The following SUV39H2 variants were observed in gnomAD, a reference collection of about 807,000 sequenced individuals.
The protein encoded by SUV39H2 is histone-lysine N-methyltransferase SUV39H2.
SUV39H2 carries 10 observed loss-of-function variants against 47.5 expected under a neutral mutation model. That is an observed-to-expected ratio of 0.21 (90% CI 0.13 to 0.36). The LOEUF is 0.36. Among genes scored for constraint, SUV39H2 ranks in the 10% least tolerant of loss-of-function variants. The probability of loss-of-function intolerance (pLI) is 1.00; values close to 1 mark genes in which losing one functional copy is unlikely to be tolerated. For missense variants in SUV39H2, 266 were observed against 487.4 expected (o/e 0.55, Z 4.28); for synonymous variants, 159 against 166.8 (o/e 0.95, Z 0.36).
chr10:14,880,199 G>C (rs142619235), intron 1 of SUV39H2: 1 of 152,328 alleles, frequency 6.6e-6, no homozygotes, highest in East Asian at 1.9e-4. Flanking sequence ...ACGTTTTCTG[G>C]AGGAAAATAC....
intron 5 of SUV39H2, 67 bp downstream of exon 5, chr10:14,901,329 C>A: frequency 3.1e-6 from 5 of 1,593,066 alleles, no homozygotes; most frequent in African/African-American, 1.3e-5. Context: ...AGACTAGGAA[C>A]AGACCTTAGA....
chr10:14,898,850 T>TA (rs1833787996), intron 3 of SUV39H2: 1 of 188,428 alleles, frequency 5.3e-6, no homozygotes, highest in African/African-American at 2.3e-5. Context: ...AATTTTCCAT[T>TA]TGTAACTGCA....
chr10:14,895,496 A>C (rs1833545207), intron 2 of SUV39H2, among the ~76,000 whole-genome samples: 1 of 152,176 alleles, frequency 6.6e-6, no homozygotes, highest in Admixed American at 6.5e-5. Context: ...TTTTAAAAAG[A>C]AACTTAAACG....
intron 2 of SUV39H2, among the ~76,000 whole-genome samples, chr10:14,884,254 ACT>A (rs1833137360): frequency 6.6e-6 from 1 of 152,006 alleles, no homozygotes; most frequent in South Asian, 2.1e-4. Context: ...GAACTGCCAG[ACT>A]CTTTTCCAAA....
At position 14,902,565 on chromosome 10, in the gene SUV39H2, C is replaced by T. The variant is rs923791725; in HGVS notation, c.*53C>T. On this transcript the variant is annotated 3_prime_UTR_variant, in exon 6 of 6. Coordinates refer to ENST00000354919, the MANE Select transcript of SUV39H2 (RefSeq NM_001193424.2). Reference sequence around the variant, plus strand: ...TATAATATTTTTTTCCTAATGTTAACATTTTTAAAAATACATATTTGGGAC... The same window carrying T: ...TATAATATTTTTTTCCTAATGTTAATATTTTTAAAAATACATATTTGGGAC... The T allele has an allele frequency of 8.5e-7, 1 of 1,176,622 alleles. No homozygotes were observed. The highest frequency in any genetic ancestry group is 1.2e-6 in the Non-Finnish European group (1 of 848,972). 72.9% of individuals were successfully genotyped at this position (1,176,622 alleles called of 1,614,324 possible).
At position 14,899,526 on chromosome 10, in the gene SUV39H2, T is replaced by G; in HGVS notation, c.850-13T>G. 1 of 1,613,202 alleles carries G rather than the reference T, an allele frequency of 6.2e-7. No homozygotes were observed. Among genetic ancestry groups the G allele is most frequent in the Non-Finnish European group, 8.5e-7 (1 of 1,179,782 alleles). On this transcript the variant is annotated splice_polypyrimidine_tract_variant and intron_variant, in intron 3 of 5. Coordinates refer to ENST00000354919, the MANE Select transcript of SUV39H2 (RefSeq NM_001193424.2). ...AGTAGCTACGTAATATACTTACAGTTTTTTCTGTTTAGGTAATCACAAGTG... is the reference window on the plus strand; with the variant it reads ...AGTAGCTACGTAATATACTTACAGTGTTTTCTGTTTAGGTAATCACAAGTG...
intron 4 of SUV39H2, 37 bp downstream of exon 4, chr10:14,899,722 A>G: frequency 6.2e-7 from 1 of 1,608,188 alleles, no homozygotes; most frequent in Non-Finnish European, 8.5e-7. Context: ...CACGACTAAC[A>G]ATTCAACCTA....
intron 5 of SUV39H2, 61 bp downstream of exon 5, chr10:14,901,323 TA>T: frequency 5.6e-6 from 9 of 1,600,974 alleles, no homozygotes; most frequent in Non-Finnish European, 7.7e-6. Flanking sequence ...CAAATCAGAC[TA>T]GGAACAGACC....
chr10:14,879,240 C>T (rs1327530423), intron 1 of SUV39H2: 17 of 600,074 alleles, frequency 2.8e-5, no homozygotes, highest in Non-Finnish European at 3.4e-5. Context: ...AGGCCGCTCC[C>T]CGGCAGTCCC....
intron 4 of SUV39H2, among the ~76,000 whole-genome samples, chr10:14,899,889 A>G (rs1275811716): frequency 2.0e-5 from 3 of 152,336 alleles, no homozygotes; most frequent in South Asian, 4.1e-4. Context: ...CCAAATATTA[A>G]TAGGGTGTAT....
chr10:14,887,184 G>A (rs1189796533), intron 2 of SUV39H2, among the ~76,000 whole-genome samples: 1 of 152,174 alleles, frequency 6.6e-6, no homozygotes, highest in Admixed American at 6.5e-5. Flanking sequence ...AGAAACAATG[G>A]TGCTTGGACT....
chr10:14,885,478 G>A (rs1833178412), intron 2 of SUV39H2, among the ~76,000 whole-genome samples: 1 of 152,156 alleles, frequency 6.6e-6, no homozygotes, highest in African/African-American at 2.4e-5. Context: ...GAGAGAATTA[G>A]TAATAGTTAC....
At chr10:14,901,699 C>T (rs908713321) in intron 5 of SUV39H2, among the ~76,000 whole-genome samples, 1 of 151,878 alleles carries the variant, frequency 6.6e-6, no homozygotes, top group Non-Finnish European at 1.5e-5. Context: ...GGCGTGGTGG[C>T]GTGTGCCTGT....
chr10:14,886,291 G>A (rs1833205949), intron 2 of SUV39H2, among the ~76,000 whole-genome samples: 1 of 152,138 alleles, frequency 6.6e-6, no homozygotes, highest in South Asian at 2.1e-4. Flanking sequence ...GCACAGTTCA[G>A]TGCATAGGTC....
intron 2 of SUV39H2, among the ~76,000 whole-genome samples, chr10:14,892,320 C>T (rs559563845): frequency 3.9e-5 from 6 of 152,162 alleles, no homozygotes; most frequent in Non-Finnish European, 8.8e-5. Flanking sequence ...CTTTAAGAAC[C>T]ACCGGCCTAC....
chr10:14,879,175 C>G (rs1189661973), intron 1 of SUV39H2: 2 of 1,148,894 alleles, frequency 1.7e-6, no homozygotes, highest in East Asian at 3.6e-5. Context: ...AGCGTGGCCT[C>G]TCCGCCCGCT....
rs180989547 is a variant in SUV39H2 at position 14,902,671 on chromosome 10, A to T, written c.*159A>T. On this transcript the variant is annotated 3_prime_UTR_variant, in exon 6 of 6. Transcript: ENST00000354919. ...GCCAAATGTATTACCGATGCCTCTG[A>T]AAAGGGGGTCACTGGGTCTCATAGA... The T allele has an allele frequency of 5.7e-6, 3 of 527,756 alleles. No individual in the cohort carries two copies. The highest frequency in any genetic ancestry group is 6.5e-5 in the East Asian group (2 of 30,756). The allele number at this position is 527,756 out of a possible 1,614,324, so 32.7% of individuals were successfully genotyped here. A position where few individuals can be genotyped will look rare whatever the true frequency, so the allele number is the denominator to read the frequency against.
chr10:14,880,145 C>T (rs1833000366), intron 1 of SUV39H2: 1 of 152,166 alleles, frequency 6.6e-6, no homozygotes. Flanking sequence ...CATCACTGTC[C>T]TACCCCCAAA....
chr10:14,880,319 G>A (rs1477083993), intron 1 of SUV39H2, among the ~76,000 whole-genome samples: 2 of 152,228 alleles, frequency 1.3e-5, no homozygotes, highest in African/African-American at 4.8e-5. Context: ...GGAGGATGAG[G>A]AAAGGGGCCG....
Sources: allele counts gnomAD v4.1 joint callset (sites outside exome capture counted in the v4.1 genomes callset), GRCh38; gene constraint gnomAD v4.1.1; transcripts MANE v1.5; gene names NCBI Gene and HGNC (gene_info 2026-07-23, HGNC 2026-07-21).